The following TPM4 variants were observed in gnomAD, a reference collection of about 807,000 sequenced individuals.
TPM4 encodes tropomyosin alpha-4 chain.
In TPM4, 17 loss-of-function variants were observed where a neutral mutation model predicts 35.8. The observed-to-expected ratio is 0.47, with a 90% confidence interval of 0.32 to 0.71. The LOEUF (loss-of-function observed/expected upper bound fraction) is 0.71, where lower values mean the gene tolerates loss of function less well. Among genes scored for constraint, TPM4 ranks in the 30% least tolerant of loss-of-function variants. The pLI, the probability that TPM4 is intolerant of heterozygous loss-of-function variation, is 0.03. For missense variants in TPM4, 240 were observed against 320.9 expected (o/e 0.75, Z 1.93); for synonymous variants, 120 against 122.9 (o/e 0.98, Z 0.15).
rs2090584763 is a variant in TPM4, at chr19:16,088,334, G to A, written c.455+237G>A. On this transcript the variant is annotated intron_variant, in intron 4 of 7. Transcript: ENST00000643579. The stretch of plus-strand genomic sequence containing the variant: ...CTTTCTGCAAAGATATGAGGAAATA[G>A]GAGTGAGACAGGAGGCAGCAGGGAA... 3.0e-6 allele frequency: 4 copies of A among 1,352,082 alleles called. No individual in the cohort carries two copies. In the Admixed American group the frequency reaches 9.1e-5, roughly 31 times the overall value. The allele number at this position is 1,352,082 out of a possible 1,614,324, so 83.8% of individuals were successfully genotyped here. A position where few individuals can be genotyped will look rare whatever the true frequency, so the allele number is the denominator to read the frequency against.
intron 1 of TPM4, chr19:16,079,809 C>G: frequency 5.7e-6 from 1 of 176,874 alleles, no homozygotes; most frequent in Non-Finnish European, 1.2e-5. Context: ...AAGCGATTCT[C>G]CTGCCTCAGC....
rs949800203 is a variant in TPM4 at position 16,086,527 on chromosome 19, G to A, written c.371G>A (p.Arg124His). 3.7e-6 allele frequency: 6 copies of A among 1,612,842 alleles called. No homozygotes were observed. Among genetic ancestry groups the A allele is most frequent in the African/African-American group, 1.3e-5 (1 of 74,998 alleles). Reference protein sequence around the residue: ...EAKHIAEEADRKYEEVARKLV... With the variant: ...EAKHIAEEADHKYEEVARKLV... ...AAGCACATTGCGGAAGAGGCTGACC[G>A]CAAATACGAGGAGGTGAGTGGGGCT... is the stretch of plus-strand genomic sequence containing the variant. Residue 124 changes from arginine to histidine, a missense_variant, in exon 3 of 8, where the codon CGC becomes CAC. Arg to His is a conservative substitution (Grantham distance 29). Transcript: ENST00000643579.
At chr19:16,094,315 C>T (rs887436341) in intron 7 of TPM4, among the ~76,000 whole-genome samples, 19 of 152,124 alleles carry the variant, frequency 1.2e-4, no homozygotes, top group African/African-American at 4.3e-4. Context: ...GGGCGGATCA[C>T]TTGAAATCAG....
chr19:16,102,768 G>C lies in TPM4; in HGVS notation c.*1422G>C. 1 of 230,480 alleles carries C rather than the reference G, an allele frequency of 4.3e-6. No homozygotes were observed. The highest frequency in any genetic ancestry group is 6.1e-5 in the East Asian group (1 of 16,270). The allele number at this position is 230,480 out of a possible 1,614,324, so 14.3% of individuals were successfully genotyped here. A position where few individuals can be genotyped will look rare whatever the true frequency, so the allele number is the denominator to read the frequency against. ...CCACATTCCCCAGCAGCGTGTGGGG[G>C]CTGACTAAAGTTTACAATTCCAACT... On this transcript the variant is annotated 3_prime_UTR_variant, in exon 8 of 8. Transcript: ENST00000643579.
intron 7 of TPM4, chr19:16,095,374 C>T (rs1161089332): frequency 3.9e-6 from 4 of 1,034,644 alleles, no homozygotes; most frequent in Middle Eastern, 4.4e-4. Flanking sequence ...GCCCTCTGTC[C>T]TTCTCACATG....
intron 1 of TPM4, among the ~76,000 whole-genome samples, chr19:16,079,068 G>C (rs1000925229): frequency 6.6e-6 from 1 of 152,112 alleles, no homozygotes; most frequent in African/African-American, 2.4e-5. Context: ...AAAATGACTC[G>C]GCCGTGACTA....
chr19:16,095,165 T>C lies in TPM4; in HGVS notation c.664+1412T>C, dbSNP rs567820399. The C allele has an allele frequency of 7.6e-6, 6 of 785,946 alleles. No homozygotes were observed. The East Asian group carries it at 3.1e-4, about 40-fold the overall frequency. 48.7% of individuals were successfully genotyped at this position (785,946 alleles called of 1,614,324 possible). A position where few individuals can be genotyped will look rare whatever the true frequency, so the allele number is the denominator to read the frequency against. On this transcript the variant is annotated intron_variant, in intron 7 of 7. Coordinates refer to ENST00000643579, the MANE Select transcript of TPM4 (RefSeq NM_003290.3). Reference sequence around the variant, plus strand: ...TGTGCTTTGTTTGCTCACGTGTTTTTTTCTTCCTCTTGTGGTTCATCTGTG... The same window carrying C: ...TGTGCTTTGTTTGCTCACGTGTTTTCTTCTTCCTCTTGTGGTTCATCTGTG...
upstream of TPM4, among the ~76,000 whole-genome samples, chr19:16,073,957 A>AAAAAC: frequency 8.3e-6 from 1 of 120,604 alleles, no homozygotes; most frequent in South Asian, 2.4e-4. Flanking sequence ...AAAAAAAAAA[A>AAAAAC]AAACGCAAAA....
intron 7 of TPM4, chr19:16,099,876 G>T (rs891245978): frequency 6.6e-6 from 1 of 151,822 alleles, no homozygotes; most frequent in South Asian, 2.1e-4. Context: ...CTTAAATTTC[G>T]CATTTACCTG....
Position 16,094,665 on chromosome 19 carries a change from T to TAAA in TPM4, c.664+921_664+923dup, listed in dbSNP as rs559812776. ...GGAGCTCAAAGCTTATCATAGTATT[T>TAAA]AAAAAAAAAAACAGAAATACAGAAA... On this transcript the variant is annotated intron_variant, in intron 7 of 7. Coordinates refer to ENST00000643579, the MANE Select transcript of TPM4 (RefSeq NM_003290.3). 6.7e-3 allele frequency among the ~76,000 whole-genome samples: 978 copies of TAAA among 145,786 alleles called. 10 individuals are homozygous for TAAA. The highest frequency in any genetic ancestry group is 0.023 in the African/African-American group (917 of 39,896).
At chr19:16,075,245 T>C (rs1417838928), upstream of TPM4, 2 of 151,960 alleles carry the variant, frequency 1.3e-5, no homozygotes, top group African/African-American at 4.8e-5. Flanking sequence ...GGTGATGGGG[T>C]CTGTGGTTTG....
intron 4 of TPM4, 146 bp downstream of exon 4, chr19:16,088,243 G>T: frequency 2.1e-6 from 3 of 1,426,526 alleles, no homozygotes; most frequent in Non-Finnish European, 2.8e-6. Flanking sequence ...TTTTCTCTTG[G>T]CTTCTGTGAC....
chr19:16,088,665 G>T (rs968803895), intron 4 of TPM4: 13 of 1,044,810 alleles, frequency 1.2e-5, no homozygotes, highest in Non-Finnish European at 1.5e-5. Context: ...CCTTCCCGGA[G>T]TGTCCCCTGC....
rs752009789 is a variant in TPM4, at chr19:16,070,947, G to T, written c.114+3209G>T. ...CCATGAGGGACTTAGCCAGAGATTC[G>T]GAGAGAAACAAGTTTATAGCACTAA... On this transcript the variant is annotated intron_variant, in intron 2 of 2. Transcript: ENST00000589897. This position sits in a 1 kb window ranked among gnomAD's most constrained non-coding sequence, Gnocchi z 7.4. Among the ~76,000 whole-genome samples, 1 of 152,188 alleles carries T rather than the reference G, an allele frequency of 6.6e-6. No individual in the cohort carries two copies. The highest frequency in any genetic ancestry group is 2.4e-5 in the African/African-American group (1 of 41,438).
At chr19:16,097,969 TTGCCATATATA>T (rs1338229708) in intron 7 of TPM4, among the ~76,000 whole-genome samples, 3 of 152,218 alleles carry the variant, frequency 2.0e-5, no homozygotes, top group African/African-American at 7.2e-5. Context: ...CCCTCACACA[TTGCCATATATA>T]TGCCCTTGGA....
Position 16,070,574 on chromosome 19 carries a change from C to T in TPM4, c.114+2836C>T, listed in dbSNP as rs540733563. 6.6e-5 allele frequency among the ~76,000 whole-genome samples: 10 copies of T among 152,324 alleles called. No homozygotes were observed. The highest frequency in any genetic ancestry group is 1.3e-4 in the Admixed American group (2 of 15,310). ...GTCATGGCTCAGTCGCTAGGTGTCC[C>T]GGACGCCTGCATGAGTGAGATACGG... On this transcript the variant is annotated intron_variant, in intron 2 of 2. Coordinates refer to the TPM4 transcript ENST00000589897. This position sits in a 1 kb window ranked among gnomAD's most constrained non-coding sequence, Gnocchi z 7.4.
intron 2 of TPM4, among the ~76,000 whole-genome samples, chr19:16,069,780 A>G (rs1383595192): frequency 7.0e-6 from 1 of 142,954 alleles, no homozygotes; most frequent in Non-Finnish European, 1.5e-5. Flanking sequence ...GTGTGTTTCG[A>G]TTGGTGTGTG....
chr19:16,101,368 C>T lies in TPM4; in HGVS notation c.*22C>T, dbSNP rs764216060. 22 of 1,543,436 alleles carry T rather than the reference C, an allele frequency of 1.4e-5. No homozygotes were observed. The highest frequency in any genetic ancestry group is 6.2e-5 in the Admixed American group (3 of 48,256). On this transcript the variant is annotated 3_prime_UTR_variant, in exon 8 of 8. Coordinates refer to ENST00000643579, the MANE Select transcript of TPM4 (RefSeq NM_003290.3). ...ATAAGCAAAACAGAAGAGTCTTGTTCCAACAGAAACTCTGGAGCTCCGTGG... is the reference window on the plus strand; with the variant it reads ...ATAAGCAAAACAGAAGAGTCTTGTTTCAACAGAAACTCTGGAGCTCCGTGG...
chr19:16,068,105 A>T, intron 2 of TPM4: 1 of 339,942 alleles, frequency 2.9e-6, no homozygotes. Context: ...GTTTGAGCGT[A>T]TGTGTGTGTA....
Sources: allele counts gnomAD v4.1 joint callset (sites outside exome capture counted in the v4.1 genomes callset), GRCh38; gene constraint gnomAD v4.1.1; non-coding constraint Gnocchi (gnomAD v3.1); transcripts MANE v1.5; gene names NCBI Gene and HGNC (gene_info 2026-07-23, HGNC 2026-07-21).